KLF12: variants seen among roughly 807,000 people sequenced by gnomAD.
KLF12 encodes the protein Krueppel-like factor 12.
In KLF12, 9 loss-of-function variants were observed where a neutral mutation model predicts 37.8. That is an observed-to-expected ratio of 0.24 (90% CI 0.14 to 0.42). KLF12 has a LOEUF of 0.42. KLF12 is among the 10% of genes least tolerant of loss of function. The pLI is 1.00. For missense variants in KLF12, 411 were observed against 516.0 expected, an observed-to-expected ratio of 0.80 and a Z score of 1.97; for synonymous variants, 208 against 202.1, an observed-to-expected ratio of 1.03 and a Z score of -0.25.
chr13:73,794,954 A>G (rs975584283), intron 5 of KLF12, among the ~76,000 whole-genome samples: 4 of 152,334 alleles, frequency 2.6e-5, no homozygotes, highest in African/African-American at 9.6e-5. Flanking sequence ...AAATGAAACA[A>G]GGAGTACAGA....
Position 73,925,312 on chromosome 13 carries a change from A to G in KLF12, c.123+18669T>C, listed in dbSNP as rs145496155. ...ACAGGCTAATGTAGCTGGTGACTCT[A>G]AATTGAAGCCAGTGCACATTTACAA... On this transcript the variant is annotated intron_variant, in intron 3 of 7. Transcript: ENST00000377669. Among the ~76,000 whole-genome samples the G allele has an allele frequency of 1.7e-3, 263 of 152,332 alleles. 3 individuals carry two copies. Among genetic ancestry groups the G allele is most frequent in the African/African-American group, 6.0e-3 (250 of 41,582 alleles).
chr13:73,966,069 CCTGCTGTTTGTAATTA>C lies in KLF12; in HGVS notation c.34-22015_34-22000del, dbSNP rs141384289. 5.6e-3 allele frequency among the ~76,000 whole-genome samples: 855 copies of C among 152,270 alleles called. 12 individuals carry two copies. The highest frequency in any genetic ancestry group is 0.02 in the African/African-American group (811 of 41,552). On this transcript the variant is annotated intron_variant, in intron 2 of 7. Transcript: ENST00000377669. Reference sequence around the variant, plus strand: ...GGATGTGCAAAAGAGTATTAATTTCCCTGCTGTTTGTAATTACTAAATCTTGGAAGCAAGCTAACTG... The same window carrying C: ...GGATGTGCAAAAGAGTATTAATTTCCCTAAATCTTGGAAGCAAGCTAACTG...
intron 3 of KLF12, among the ~76,000 whole-genome samples, chr13:73,880,189 C>A (rs1274506713): frequency 6.6e-6 from 1 of 152,192 alleles, no homozygotes; most frequent in Non-Finnish European, 1.5e-5. Context: ...TGGAAACTGA[C>A]ACTCAGCCCA....
the KLF12 span, among the ~76,000 whole-genome samples, chr13:74,168,729 A>G: frequency 2.6e-5 from 4 of 152,226 alleles, no homozygotes; most frequent in Non-Finnish European, 4.4e-5. Flanking sequence ...CTGCTGAAGA[A>G]TGTTTGTGGC....
chr13:74,013,784 A>T (rs1892612058), intron 1 of KLF12, among the ~76,000 whole-genome samples: 1 of 152,184 alleles, frequency 6.6e-6, no homozygotes, highest in Admixed American at 6.5e-5. Context: ...CTATAGTTCA[A>T]AAGTCACATA....
intron 3 of KLF12, among the ~76,000 whole-genome samples, chr13:73,846,744 A>T (rs944962569): frequency 6.6e-6 from 1 of 152,212 alleles, no homozygotes; most frequent in Non-Finnish European, 1.5e-5. Context: ...AATAGTGGGA[A>T]AACTCACTAT....
At chr13:74,082,570 ACT>A (rs1874979318) in intron 1 of KLF12, among the ~76,000 whole-genome samples, 2 of 152,102 alleles carry the variant, frequency 1.3e-5, no homozygotes, top group African/African-American at 4.8e-5. Flanking sequence ...CAGATTTTAC[ACT>A]GTGTGCTGAC....
chr13:73,879,417 A>G (rs970149015), intron 3 of KLF12, among the ~76,000 whole-genome samples: 5 of 152,222 alleles, frequency 3.3e-5, no homozygotes, highest in East Asian at 1.9e-4. Flanking sequence ...TGAGTCACAA[A>G]AAGAAAACAT....
chr13:73,965,628 C>T lies in KLF12; in HGVS notation c.34-21558G>A, dbSNP rs138820972. Among the ~76,000 whole-genome samples the T allele has an allele frequency of 3.3e-3, 501 of 152,272 alleles. 2 individuals are homozygous for T. Among genetic ancestry groups the T allele is most frequent in the African/African-American group, 0.01 (427 of 41,544 alleles). On this transcript the variant is annotated intron_variant, in intron 2 of 7. Coordinates refer to ENST00000377669, the MANE Select transcript of KLF12 (RefSeq NM_007249.5). ...TAACGTGGAGGCTGACTTAGCATCC[C>T]AAGGGCAGATGCAGACAACATTCAC...
intron 4 of KLF12, among the ~76,000 whole-genome samples, chr13:73,837,955 A>G (rs2138629418): frequency 6.6e-6 from 1 of 152,334 alleles, no homozygotes; most frequent in South Asian, 2.1e-4. Flanking sequence ...GAGGACAGTC[A>G]CATGTAAGGT....
intron 1 of KLF12, among the ~76,000 whole-genome samples, chr13:74,098,285 G>A (rs978911855): frequency 2.0e-5 from 3 of 152,152 alleles, no homozygotes; most frequent in African/African-American, 7.2e-5. Context: ...AATGGTCCAG[G>A]TAATTATTAA....
At chr13:73,781,663 A>AT in intron 5 of KLF12, among the ~76,000 whole-genome samples, 1 of 152,148 alleles carries the variant, frequency 6.6e-6, no homozygotes. Flanking sequence ...ATTTAGCTTT[A>AT]TTTTTGCTTT....
rs1398595283 is a variant in KLF12, at chr13:74,072,364, A to AATATATTTATAT, written c.-32+61374_-32+61375insATATAAATATAT. Reference sequence around the variant, plus strand: ...ATCTTTTTAAGAATTAAGAAATACAAATATATATATATATATATATATATA... The same window carrying AATATATTTATAT: ...ATCTTTTTAAGAATTAAGAAATACAAATATATTTATATATATATATATATATATATATATATA... On this transcript the variant is annotated intron_variant, in intron 1 of 7. Transcript: ENST00000377669. Among the ~76,000 whole-genome samples the AATATATTTATAT allele has an allele frequency of 4.8e-5, 3 of 63,064 alleles. No homozygotes were observed. The Admixed American group carries it at 6.2e-4, about 13-fold the overall frequency. 41.4% of individuals were successfully genotyped at this position (63,064 alleles called of 152,430 possible).
chr13:74,081,522 A>G (rs909034863), intron 1 of KLF12, among the ~76,000 whole-genome samples: 1 of 152,156 alleles, frequency 6.6e-6, no homozygotes, highest in African/African-American at 2.4e-5. Flanking sequence ...AGCTCATCAC[A>G]TGGTACTAAG....
chr13:73,903,297 T>C (rs1228818318), intron 3 of KLF12, among the ~76,000 whole-genome samples: 1 of 152,156 alleles, frequency 6.6e-6, no homozygotes, highest in Non-Finnish European at 1.5e-5. Context: ...AGATGGGCAA[T>C]AAACACTAAA....
intron 3 of KLF12, among the ~76,000 whole-genome samples, chr13:73,920,464 A>C (rs1211921701): frequency 6.6e-6 from 1 of 152,110 alleles, no homozygotes; most frequent in Non-Finnish European, 1.5e-5. Flanking sequence ...CTTTCTCCAA[A>C]ATTTAAAAAC....
chr13:73,786,734 G>A (rs1292434838), intron 5 of KLF12, among the ~76,000 whole-genome samples: 14 of 91,260 alleles, frequency 1.5e-4, no homozygotes, highest in East Asian at 1.0e-3. Flanking sequence ...CAAAAAATAC[G>A]AAAAAAATAA....
At chr13:74,093,194 A>G (rs1468414139) in intron 1 of KLF12, among the ~76,000 whole-genome samples, 6 of 152,236 alleles carry the variant, frequency 3.9e-5, no homozygotes, top group Admixed American at 3.9e-4. Context: ...ACTCAAAATC[A>G]AAAATCTTAA....
intron 3 of KLF12, among the ~76,000 whole-genome samples, chr13:73,901,364 A>T (rs1207892057): frequency 6.6e-6 from 1 of 152,186 alleles, no homozygotes; most frequent in Non-Finnish European, 1.5e-5. Context: ...AACAGCATCA[A>T]CTTTAGAACA....
Sources: gnomAD v4.1 joint callset for allele counts (sites outside exome capture counted in the v4.1 genomes callset) on GRCh38, gnomAD v4.1.1 for gene constraint, MANE v1.5 for transcripts, NCBI Gene and HGNC (gene_info 2026-07-23, HGNC 2026-07-21) for gene names.